Variants in CAST observed in about 807,000 individuals in gnomAD.
CAST encodes calpastatin, also known as MIR583 host.
Under a neutral mutation model 119.6 loss-of-function variants are expected in CAST, and 76 were observed. The ratio of observed to expected loss-of-function variants is 0.64; its 90% CI spans 0.53 to 0.77. The LOEUF is 0.77. CAST is among the 30% of genes least tolerant of loss of function. The pLI is 0.00. For missense variants in CAST, 953 were observed against 946.5 expected (o/e 1.01, Z -0.09); for synonymous variants, 319 against 331.6 (o/e 0.96, Z 0.41).
At chr5:96,446,586 G>A in the CAST span, among the ~76,000 whole-genome samples, 75,014 of 152,094 alleles carry the variant, frequency 0.49, 20,314 homozygotes, top group African/African-American at 0.73. Context: ...ATAAGCAGTC[G>A]GTGCTCAGCT....
chr5:96,399,994 C>G, the CAST span: 4 of 1,614,236 alleles, frequency 2.5e-6, no homozygotes, highest in Non-Finnish European at 3.4e-6. Flanking sequence ...ACTCTTTCTT[C>G]TCAGGCACGC....
chr5:96,678,045 AT>A (rs1290352189), intron 2 of CAST, among the ~76,000 whole-genome samples: 1 of 152,176 alleles, frequency 6.6e-6, no homozygotes, highest in African/African-American at 2.4e-5. Context: ...CACTTTAGGC[AT>A]TATGTTAGCC....
the CAST span, among the ~76,000 whole-genome samples, chr5:96,441,382 A>G: frequency 2.6e-4 from 40 of 151,990 alleles, no homozygotes; most frequent in African/African-American, 9.7e-4. Flanking sequence ...GACTTTTCCC[A>G]TAAGCCCGTT....
chr5:96,377,803 C>T, the CAST span, among the ~76,000 whole-genome samples: 2 of 152,242 alleles, frequency 1.3e-5, no homozygotes, highest in South Asian at 2.1e-4. Flanking sequence ...CCCCACTCAG[C>T]AGTTTACCTT....
chr5:96,688,327 G>A (rs536880771), intron 2 of CAST, among the ~76,000 whole-genome samples: 3 of 152,292 alleles, frequency 2.0e-5, no homozygotes, highest in Non-Finnish European at 2.9e-5. Flanking sequence ...TGTGGAACAA[G>A]TGACTGCGTC....
the CAST span, among the ~76,000 whole-genome samples, chr5:96,283,465 C>T: frequency 1.3e-5 from 2 of 152,168 alleles, no homozygotes; most frequent in Admixed American, 6.5e-5. Context: ...CTTTCCTGGC[C>T]GCAGGCACTT....
At chr5:96,122,272 T>A in the CAST span, among the ~76,000 whole-genome samples, 1,248 of 152,278 alleles carry the variant, frequency 8.2e-3, 32 homozygotes, top group Admixed American at 0.056. Context: ...AGAAGTAGAG[T>A]AAAAATTTTG....
the CAST span, among the ~76,000 whole-genome samples, chr5:96,035,263 TAC>T: frequency 4.7e-5 from 7 of 149,128 alleles, no homozygotes; most frequent in Admixed American, 6.7e-5. Context: ...AGTAAATACA[TAC>T]AGTTTTTTCC....
the CAST span, among the ~76,000 whole-genome samples, chr5:96,136,582 A>C: frequency 6.6e-6 from 1 of 152,226 alleles, no homozygotes; most frequent in Non-Finnish European, 1.5e-5. Flanking sequence ...CTCAGCTGAT[A>C]AAACAAGGAA....
intron 6 of CAST, 144 bp from the exon 7 acceptor site, chr5:96,729,009 C>T: frequency 1.7e-6 from 1 of 604,930 alleles, no homozygotes; most frequent in Non-Finnish European, 3.0e-6. Flanking sequence ...TTCTGTGATC[C>T]TAAAGAGTGG....
chr5:96,442,692 G>T, the CAST span, among the ~76,000 whole-genome samples: 3 of 152,176 alleles, frequency 2.0e-5, no homozygotes, highest in African/African-American at 7.2e-5. Context: ...ATTCTGGAAT[G>T]GCCTGAGGCC....
the CAST span, among the ~76,000 whole-genome samples, chr5:96,062,074 G>C: frequency 6.6e-6 from 1 of 152,134 alleles, no homozygotes; most frequent in Non-Finnish European, 1.5e-5. Context: ...CTGGATGTGG[G>C]TTTTCCTTAC....
At chr5:95,985,229 A>C in the CAST span, among the ~76,000 whole-genome samples, 1 of 152,170 alleles carries the variant, frequency 6.6e-6, no homozygotes, top group Non-Finnish European at 1.5e-5. Flanking sequence ...CAGGAGGATC[A>C]CTTGAGCCCA....
intron 24 of CAST, 33 bp downstream of exon 24, chr5:96,757,687 GTTTTTTT>G: frequency 9.1e-7 from 1 of 1,096,806 alleles, no homozygotes; most frequent in South Asian, 1.5e-5. Context: ...TATTTCTTTA[GTTTTTTT>G]TTTTTTTTTC....
chr5:96,533,737 C>T (rs1404078867), intron 1 of CAST, among the ~76,000 whole-genome samples: 1 of 152,138 alleles, frequency 6.6e-6, no homozygotes, highest in Non-Finnish European at 1.5e-5. Context: ...CTTTATTAAT[C>T]CTGACTCTTG....
the CAST span, among the ~76,000 whole-genome samples, chr5:96,372,538 G>A: frequency 1.3e-5 from 2 of 152,094 alleles, no homozygotes; most frequent in African/African-American, 4.8e-5. Context: ...AGGGACTGCT[G>A]CATTGGTCAT....
At chr5:96,692,572 C>G (rs143833707) in intron 2 of CAST, among the ~76,000 whole-genome samples, 1 of 152,322 alleles carries the variant, frequency 6.6e-6, no homozygotes, top group Non-Finnish European at 1.5e-5. Context: ...CCATTCTTAC[C>G]TCAGGGCCCT....
chr5:96,424,685 C>G, the CAST span, among the ~76,000 whole-genome samples: 1 of 152,068 alleles, frequency 6.6e-6, no homozygotes, highest in Non-Finnish European at 1.5e-5. Flanking sequence ...GCAAGAGGCC[C>G]GGTGCGGTGG....
chr5:96,090,215 T>C, the CAST span, among the ~76,000 whole-genome samples: 2 of 152,334 alleles, frequency 1.3e-5, no homozygotes, highest in South Asian at 2.1e-4. Context: ...TAGTACCTTA[T>C]GGCAGCCAAA....
Sources: allele counts gnomAD v4.1 joint callset (sites outside exome capture counted in the v4.1 genomes callset), GRCh38; gene constraint gnomAD v4.1.1; transcripts MANE v1.5; gene names NCBI Gene and HGNC (gene_info 2026-07-23, HGNC 2026-07-21).